The following PROX2 variants were observed in gnomAD, a reference collection of about 807,000 sequenced individuals.
PROX2 encodes the protein prospero homeobox protein 2.
In PROX2, 46 loss-of-function variants were observed where a neutral mutation model predicts 48.9. That is an observed-to-expected ratio of 0.94 (90% CI 0.74 to 1.20). The LOEUF (loss-of-function observed/expected upper bound fraction) is 1.20, where lower values mean the gene tolerates loss of function less well. PROX2 is among the 50% of genes most tolerant of loss of function. The probability of loss-of-function intolerance (pLI) is 0.00; values close to 1 mark genes in which losing one functional copy is unlikely to be tolerated. For missense variants in PROX2, 663 were observed against 719.4 expected (o/e 0.92, Z 0.90); for synonymous variants, 260 against 276.6 (o/e 0.94, Z 0.60).
chr14:74,870,439 A>AAAACACACACACACACACACAC (rs766736707), intron 2 of PROX2, among the ~76,000 whole-genome samples: 9 of 29,926 alleles, frequency 3.0e-4, no homozygotes, highest in Admixed American at 5.3e-4. Context: ...AAAAAAAAAA[A>AAAACACACACACACACACACAC]ATACACACAC....
At chr14:74,869,148 C>T (rs1168528180) in intron 2 of PROX2, among the ~76,000 whole-genome samples, 1 of 152,174 alleles carries the variant, frequency 6.6e-6, no homozygotes, top group Non-Finnish European at 1.5e-5. Flanking sequence ...TTGGGGACTA[C>T]ATTTCTAGAA....
intron 5 of PROX2, chr14:74,855,677 A>C (rs2091737891): frequency 6.2e-6 from 1 of 160,310 alleles, no homozygotes; most frequent in South Asian, 2.0e-4. Context: ...GAGTGCCCCC[A>C]AGCTTCTGAC....
chr14:74,869,506 G>A (rs890867628), intron 2 of PROX2, among the ~76,000 whole-genome samples: 6 of 152,096 alleles, frequency 3.9e-5, no homozygotes, highest in African/African-American at 7.2e-5. Flanking sequence ...TCTAACTCCC[G>A]ACCTCAGGTG....
chr14:74,861,173 C>A (rs1566779391), intron 3 of PROX2: 1 of 1,343,674 alleles, frequency 7.4e-7, no homozygotes, highest in South Asian at 1.1e-5. Flanking sequence ...CTGCTGCCCT[C>A]ACAGTAGTTG....
In PROX2 at chr14:74,855,279, A is replaced by G. The variant is rs775208046; in HGVS notation, c.1632T>C (p.Ile544=). 54 of 1,557,804 alleles carry G rather than the reference A, an allele frequency of 3.5e-5. No individual in the cohort carries two copies. The South Asian group carries it at 5.9e-4, about 17-fold the overall frequency. ...DFEVPDCFLE[I]ASLTLQEFFR... is the part of the protein sequence containing the mutation. ...AGAACTCCTGTAACGTCAAGCTGGC[A>G]ATTTCCAAGAAGCAATCTGGAACCT... The change falls in exon 6 of 6, where the codon ATT becomes ATC. Residue 544 remains isoleucine, a synonymous_variant. Transcript: ENST00000556489.
At position 74,870,439 on chromosome 14, in the gene PROX2, A is replaced by ACACACACACAC. The variant is rs1555371979; in HGVS notation, c.-175+663_-175+664insGTGTGTGTGTG. The stretch of plus-strand genomic sequence containing the variant: ...AAGCCTGCCTCAAAAAAAAAAAAAA[A>ACACACACACAC]ATACACACACACACACACACACACA... On this transcript the variant is annotated intron_variant, in intron 2 of 5. Transcript: ENST00000556489. Among the ~76,000 whole-genome samples the ACACACACACAC allele has an allele frequency of 3.0e-4, 9 of 29,950 alleles. 1 individual carries two copies. The South Asian group carries it at 8.3e-3, about 28-fold the overall frequency. The allele number at this position is 29,950 out of a possible 152,430, so 19.6% of individuals were successfully genotyped here. A position where few individuals can be genotyped will look rare whatever the true frequency, so the allele number is the denominator to read the frequency against.
At position 74,854,379 on chromosome 14, in the gene PROX2, CGGTG is replaced by C. The variant is rs772001399; in HGVS notation, c.*749_*752del. The C allele has an allele frequency of 3.2e-6, 1 of 311,754 alleles. No individual in the cohort carries two copies. The highest frequency in any genetic ancestry group is 6.5e-6 in the Non-Finnish European group (1 of 153,692). The allele number at this position is 311,754 out of a possible 1,614,324, so 19.3% of individuals were successfully genotyped here. A position where few individuals can be genotyped will look rare whatever the true frequency, so the allele number is the denominator to read the frequency against. ...GTGCTGGGCAGGAGTTGTCAGGTGA[CGGTG>C]CCCTGTCAGCGCTGGATGCTTACTA... On this transcript the variant is annotated 3_prime_UTR_variant, in exon 6 of 6. Coordinates refer to ENST00000556489, the MANE Select transcript of PROX2 (RefSeq NM_001243007.2).
At chr14:74,875,497 G>C (rs1883321361) in intron 1 of PROX2, among the ~76,000 whole-genome samples, 1 of 152,188 alleles carries the variant, frequency 6.6e-6, no homozygotes, top group African/African-American at 2.4e-5. Context: ...GGAGTTAGGA[G>C]GTCTGGGCAC....
chr14:74,857,712 GTCTC>G (rs1832024501), intron 4 of PROX2: 2 of 150,838 alleles, frequency 1.3e-5, no homozygotes, highest in African/African-American at 4.9e-5. Context: ...CTGACACTCT[GTCTC>G]TCTCTCCCTC....
At chr14:74,870,239 C>G (rs1045006836) in intron 2 of PROX2, among the ~76,000 whole-genome samples, 3 of 148,500 alleles carry the variant, frequency 2.0e-5, no homozygotes, top group African/African-American at 7.5e-5. Flanking sequence ...GTAGCCCAGG[C>G]AACATGGCGA....
chr14:74,858,172 G>A (rs1308563757), intron 4 of PROX2: 1 of 394,280 alleles, frequency 2.5e-6, no homozygotes, highest in African/African-American at 2.0e-5. Context: ...TTTCTGTTTT[G>A]GGGATTATCT....
intron 5 of PROX2, chr14:74,856,548 A>G: frequency 2.0e-6 from 1 of 507,758 alleles, no homozygotes; most frequent in Middle Eastern, 5.3e-4. Context: ...TCAGTCTAAG[A>G]TGGTGTAACA....
At chr14:74,864,659 T>A (rs2091828783) in intron 2 of PROX2, among the ~76,000 whole-genome samples, 1 of 151,636 alleles carries the variant, frequency 6.6e-6, no homozygotes, top group East Asian at 1.9e-4. Context: ...CTAACCAACA[T>A]GGAGAAACCC....
At chr14:74,856,068 T>C (rs1484859548) in intron 5 of PROX2, 1 of 152,248 alleles carries the variant, frequency 6.6e-6, no homozygotes, top group Non-Finnish European at 1.5e-5. Flanking sequence ...AAACCACTCT[T>C]TGTGATCACA....
In PROX2 at chr14:74,861,891, C is replaced by G. The variant is rs552085606; in HGVS notation, c.1305+639G>C. Among the ~76,000 whole-genome samples, 55 of 152,242 alleles carry G rather than the reference C, an allele frequency of 3.6e-4. 1 individual carries two copies. Among genetic ancestry groups the G allele is most frequent in the Middle Eastern group, 3.4e-3 (1 of 294 alleles). Reference sequence around the variant, plus strand: ...CCTTAGATGACGTCATTCCTTTGACCCTCTCCTCCTAAGTTTATGGGTGGC... The same window carrying G: ...CCTTAGATGACGTCATTCCTTTGACGCTCTCCTCCTAAGTTTATGGGTGGC... On this transcript the variant is annotated intron_variant, in intron 3 of 5. Transcript: ENST00000556489.
At chr14:74,861,540 G>A (rs1443814790) in intron 3 of PROX2, among the ~76,000 whole-genome samples, 1 of 152,212 alleles carries the variant, frequency 6.6e-6, no homozygotes, top group Non-Finnish European at 1.5e-5. Context: ...CATTAAGAGA[G>A]TAGTGTCTAC....
At position 74,863,027 on chromosome 14, in the gene PROX2, C is replaced by T. The variant is rs199984429; in HGVS notation, c.808G>A (p.Glu270Lys). 38 of 1,613,880 alleles carry T rather than the reference C, an allele frequency of 2.4e-5. No homozygotes were observed. Among genetic ancestry groups the T allele is most frequent in the Middle Eastern group, 1.7e-4 (1 of 6,060 alleles). The change falls in exon 3 of 6, where the codon GAG becomes AAG. Residue 270 changes from glutamate (E) to lysine (K), a missense_variant. Physicochemically the swap from Glu to Lys is moderately conservative, Grantham distance 56. Transcript: ENST00000556489. ...GCCCCTCCCACAGGAGGTGAGGGCTCGCTTCTACCCTCTGCCACCTGCCCC... is the reference window on the plus strand; with the variant it reads ...GCCCCTCCCACAGGAGGTGAGGGCTTGCTTCTACCCTCTGCCACCTGCCCC... ...FQGQVAEGRS[E>K]PSPPVGGACK...
chr14:74,873,882 A>G (rs1399333701), intron 1 of PROX2: 1 of 448,708 alleles, frequency 2.2e-6, no homozygotes, highest in Non-Finnish European at 4.5e-6. Flanking sequence ...AATGCTTAGC[A>G]TGGGAACTGC....
intron 2 of PROX2, among the ~76,000 whole-genome samples, chr14:74,868,764 G>C (rs550928218): frequency 1.1e-3 from 170 of 152,114 alleles, no homozygotes; most frequent in Middle Eastern, 6.8e-3. Flanking sequence ...GTGAACCCAG[G>C]GGGGCGGAGC....
Sources: gnomAD v4.1 joint callset for allele counts (sites outside exome capture counted in the v4.1 genomes callset) on GRCh38, gnomAD v4.1.1 for gene constraint, MANE v1.5 for transcripts, NCBI Gene and HGNC (gene_info 2026-07-23, HGNC 2026-07-21) for gene names.